Variants in DYM observed in about 807,000 individuals in gnomAD.
DYM encodes the protein dymeclin.
Under a neutral mutation model 93.1 loss-of-function variants are expected in DYM, and 78 were observed. The ratio of observed to expected loss-of-function variants is 0.84; its 90% CI spans 0.70 to 1.01. The LOEUF is 1.01. Ranked by LOEUF, DYM falls within the 50% of genes least tolerant of loss-of-function variation. The pLI is 0.00. For missense variants in DYM, 789 were observed against 845.0 expected (o/e 0.93, Z 0.82); for synonymous variants, 321 against 319.7 (o/e 1.00, Z -0.04).
chr18:49,058,463 G>A (rs1272137219), intron 17 of DYM, among the ~76,000 whole-genome samples: 2 of 152,012 alleles, frequency 1.3e-5, no homozygotes, highest in Non-Finnish European at 2.9e-5. Context: ...AGGACCACAG[G>A]TCTGCACCAC....
intron 2 of DYM, among the ~76,000 whole-genome samples, chr18:49,403,095 CA>C (rs2071041920): frequency 6.6e-6 from 1 of 152,152 alleles, no homozygotes; most frequent in African/African-American, 2.4e-5. Flanking sequence ...CAAGAAAACC[CA>C]TAAGTATTGA....
intron 2 of DYM, among the ~76,000 whole-genome samples, chr18:49,393,304 G>GAAAC (rs1361112133): frequency 5.3e-5 from 8 of 152,100 alleles, no homozygotes; most frequent in Non-Finnish European, 5.9e-5. Flanking sequence ...TACCATCCGG[G>GAAAC]TAGATACCCA....
intron 14 of DYM, among the ~76,000 whole-genome samples, chr18:49,201,567 G>T (rs988946061): frequency 1.3e-5 from 2 of 152,178 alleles, no homozygotes; most frequent in African/African-American, 4.8e-5. Flanking sequence ...ACATGAAATG[G>T]CCTGGCCTAG....
intron 2 of DYM, among the ~76,000 whole-genome samples, chr18:49,420,381 C>A (rs2073521594): frequency 6.6e-6 from 1 of 151,984 alleles, no homozygotes; most frequent in African/African-American, 2.4e-5. Context: ...GTTGACCAGG[C>A]TGGTCTTGAA....
chr18:49,286,351 C>A, intron 9 of DYM, 83 bp downstream of exon 9: 1 of 1,513,740 alleles, frequency 6.6e-7, no homozygotes. Context: ...ACACTCATCT[C>A]CAAAACTATA....
chr18:49,365,659 C>T (rs1010257350), intron 5 of DYM, among the ~76,000 whole-genome samples: 2 of 152,206 alleles, frequency 1.3e-5, no homozygotes, highest in Non-Finnish European at 2.9e-5. Flanking sequence ...CTTAAAATCA[C>T]TCAGTGATTC....
chr18:49,125,645 G>T lies in DYM; in HGVS notation c.1729-6719C>A, dbSNP rs188833413. Among the ~76,000 whole-genome samples, 39 of 152,270 alleles carry T rather than the reference G, an allele frequency of 2.6e-4. 1 individual carries two copies. Among genetic ancestry groups the T allele is most frequent in the African/African-American group, 9.1e-4 (38 of 41,544 alleles). On this transcript the variant is annotated intron_variant, in intron 15 of 17. Coordinates refer to ENST00000675505, the MANE Select transcript of DYM (RefSeq NM_001353214.3). ...CAGTTACTATCTATCCAATTAGAAAGCTTAGAATTTGGTCAAAGAATCGTA... is the reference window on the plus strand; with the variant it reads ...CAGTTACTATCTATCCAATTAGAAATCTTAGAATTTGGTCAAAGAATCGTA...
intron 1 of DYM, among the ~76,000 whole-genome samples, chr18:49,434,219 C>T (rs1359652263): frequency 2.6e-5 from 4 of 151,846 alleles, no homozygotes; most frequent in Admixed American, 6.6e-5. Flanking sequence ...TGGTGGCACA[C>T]GCCTGTAGTC....
chr18:49,182,385 A>T (rs760225442), intron 14 of DYM, among the ~76,000 whole-genome samples: 13 of 152,200 alleles, frequency 8.5e-5, no homozygotes, highest in Non-Finnish European at 1.8e-4. Context: ...AATAACAAAG[A>T]TATATTGAAA....
intron 16 of DYM, among the ~76,000 whole-genome samples, chr18:49,116,915 C>T (rs2081970017): frequency 6.6e-6 from 1 of 152,168 alleles, no homozygotes; most frequent in Non-Finnish European, 1.5e-5. Context: ...CTTATTAACA[C>T]CAATACTTCT....
intron 13 of DYM, among the ~76,000 whole-genome samples, chr18:49,227,957 T>C (rs900113706): frequency 6.6e-6 from 1 of 152,162 alleles, no homozygotes; most frequent in Non-Finnish European, 1.5e-5. Context: ...CCCTCCCCGA[T>C]TGCTACATGC....
At chr18:49,420,659 TCAGA>T (rs1460592229) in intron 2 of DYM, among the ~76,000 whole-genome samples, 1 of 152,108 alleles carries the variant, frequency 6.6e-6, no homozygotes, top group African/African-American at 2.4e-5. Flanking sequence ...CTGGGGCTTG[TCAGA>T]CAGTGGGTGC....
intron 1 of DYM, among the ~76,000 whole-genome samples, chr18:49,450,712 C>A (rs893961416): frequency 6.6e-6 from 1 of 152,114 alleles, no homozygotes; most frequent in Non-Finnish European, 1.5e-5. Flanking sequence ...GTGAATAATA[C>A]TAATATATGT....
Position 49,363,164 on chromosome 18 carries a change from A to C in DYM, c.491T>G (p.Leu164Arg). ...TCCTGGCCTAGCCAGAACTTACAAG[A>C]GTGGAATATCAGTGATCAACTGCAT... The part of the protein sequence containing the change: ...CLMQLITDIP[L>R]LDITYEISVE... The change falls in exon 6 of 18, where the codon CTC becomes CGC. Residue 164 changes from leucine (L) to arginine (R), a missense_variant. By Grantham distance (102) the Leu-to-Arg change is moderately radical (BLOSUM62 -2). This residue lies in a region of DYM where 450 missense variants were observed against 436.2 expected (regional missense o/e 1.03). Transcript: ENST00000675505. 1 of 1,612,878 alleles carries C rather than the reference A, an allele frequency of 6.2e-7. No individual in the cohort carries two copies. The highest frequency in any genetic ancestry group is 1.1e-5 in the South Asian group (1 of 91,048).
At chr18:49,396,594 A>G (rs2070120740) in intron 2 of DYM, among the ~76,000 whole-genome samples, 1 of 152,224 alleles carries the variant, frequency 6.6e-6, no homozygotes, top group Non-Finnish European at 1.5e-5. Context: ...CAAAGAAAAC[A>G]AAATCAGTAT....
chr18:49,197,239 TAA>T (rs1276262229), intron 14 of DYM, among the ~76,000 whole-genome samples: 1 of 152,072 alleles, frequency 6.6e-6, no homozygotes, highest in African/African-American at 2.4e-5. Context: ...GGATGTCATG[TAA>T]AGTCATAGAA....
chr18:49,164,229 C>T (rs929015843), intron 14 of DYM, among the ~76,000 whole-genome samples: 1 of 152,004 alleles, frequency 6.6e-6, no homozygotes. Context: ...TGTATTATAG[C>T]TTTATTTCTC....
At chr18:49,432,762 G>A (rs1600212407) in intron 1 of DYM, among the ~76,000 whole-genome samples, 1 of 151,930 alleles carries the variant, frequency 6.6e-6, no homozygotes, top group Non-Finnish European at 1.5e-5. Context: ...ACAGGTACAT[G>A]CCACCAAAGC....
chr18:49,188,638 A>G (rs559864206), intron 14 of DYM, among the ~76,000 whole-genome samples: 249 of 152,196 alleles, frequency 1.6e-3, no homozygotes, highest in African/African-American at 4.9e-3. Context: ...GAATTGAACA[A>G]TGAGAACACA....
Sources: gnomAD v4.1 joint callset for allele counts (sites outside exome capture counted in the v4.1 genomes callset) on GRCh38, gnomAD v4.1.1 for gene constraint, gnomAD v4.1.1 regional missense constraint, MANE v1.5 for transcripts, NCBI Gene and HGNC (gene_info 2026-07-23, HGNC 2026-07-21) for gene names.